AGAP1: variants seen among roughly 807,000 people sequenced by gnomAD.
The protein encoded by AGAP1 is ArfGAP with GTPase domain, ankyrin repeat and PH domain 1, also known as arf-GAP with GTPase, ANK repeat and PH domain-containing protein 1.
In AGAP1, 29 loss-of-function variants were observed where a neutral mutation model predicts 105.3. The ratio of observed to expected loss-of-function variants is 0.28; its 90% CI spans 0.21 to 0.38. The LOEUF (loss-of-function observed/expected upper bound fraction) is 0.38, where lower values mean the gene tolerates loss of function less well. AGAP1 is among the 10% of genes least tolerant of loss of function. AGAP1 has a pLI of 1.00. For synonymous variants in AGAP1, 509 were observed against 485.9 expected, an observed-to-expected ratio of 1.05 and a Z score of -0.63; for missense variants, 998 against 1,165.1, an observed-to-expected ratio of 0.86 and a Z score of 2.09.
At chr2:235,986,515 G>T (rs951007232) in intron 13 of AGAP1, among the ~76,000 whole-genome samples, 1 of 152,100 alleles carries the variant, frequency 6.6e-6, no homozygotes, top group African/African-American at 2.4e-5. Context: ...TATGTTGAAT[G>T]GGAGTGGTGA....
intron 11 of AGAP1, among the ~76,000 whole-genome samples, chr2:235,928,646 C>T (rs764509962): frequency 2.0e-5 from 3 of 152,146 alleles, no homozygotes; most frequent in Admixed American, 6.5e-5. Flanking sequence ...ATGGTGGGCA[C>T]GGGCTCCAGG....
At position 235,609,930 on chromosome 2, in the gene AGAP1, G is replaced by A. The variant is rs1262747280; in HGVS notation, c.164-99249G>A. 2.0e-5 allele frequency among the ~76,000 whole-genome samples: 3 copies of A among 152,134 alleles called. No individual in the cohort carries two copies. The highest frequency in any genetic ancestry group is 7.2e-5 in the African/African-American group (3 of 41,430). On this transcript the variant is annotated intron_variant, in intron 1 of 17. Transcript: ENST00000304032. This position sits in a 1 kb window ranked among gnomAD's most constrained non-coding sequence, Gnocchi z 5.1. ...AGTCACTGGGCTGGGTGCAGGGAGTGAGTGGCCAACCACCTGAGAATACCT... is the reference window on the plus strand; with the variant it reads ...AGTCACTGGGCTGGGTGCAGGGAGTAAGTGGCCAACCACCTGAGAATACCT...
intron 12 of AGAP1, among the ~76,000 whole-genome samples, chr2:235,956,297 C>T (rs558116920): frequency 1.1e-3 from 171 of 152,320 alleles, no homozygotes; most frequent in Non-Finnish European, 2.2e-3. Context: ...AAACTTTGTG[C>T]TGCTTGCATT....
chr2:235,652,529 ACAT>A (rs1947630711), intron 1 of AGAP1, among the ~76,000 whole-genome samples: 1 of 152,186 alleles, frequency 6.6e-6, no homozygotes, highest in Non-Finnish European at 1.5e-5. Context: ...AGGAGACACC[ACAT>A]CATCATTTCA....
intron 9 of AGAP1, among the ~76,000 whole-genome samples, chr2:235,844,172 G>A (rs1196046964): frequency 6.6e-6 from 1 of 152,228 alleles, no homozygotes; most frequent in Non-Finnish European, 1.5e-5. Flanking sequence ...TCCCCTGCCG[G>A]TCTGGAGCTC....
intron 1 of AGAP1, among the ~76,000 whole-genome samples, chr2:235,537,448 G>T (rs927708686): frequency 1.3e-5 from 2 of 152,184 alleles, no homozygotes; most frequent in Admixed American, 1.3e-4. Context: ...CATGGAGGCT[G>T]GGGAGTCATG....
rs1346008352 is a variant in AGAP1, at chr2:235,968,601, C to A, written c.1623C>A (p.Asp541Glu). 3.1e-6 allele frequency: 5 copies of A among 1,605,162 alleles called. No individual in the cohort carries two copies. Among genetic ancestry groups the A allele is most frequent in the Non-Finnish European group, 2.6e-6 (3 of 1,176,058 alleles). The part of the protein sequence containing the change: ...RKKSTSNFKA[D>E]GLSGTAEEQE... ...AAAGCACTAGCAACTTCAAAGCCGA[C>A]GGCCTGTCCGGCACTGCTGAAGGTA... Residue 541 changes from aspartate (D) to glutamate (E), a missense_variant, in exon 13 of 18, where the codon GAC becomes GAA. By Grantham distance (45) the Asp-to-Glu change is conservative. Transcript: ENST00000304032.
chr2:236,066,379 C>T (rs1250904752), intron 16 of AGAP1, among the ~76,000 whole-genome samples: 1 of 152,182 alleles, frequency 6.6e-6, no homozygotes, highest in Non-Finnish European at 1.5e-5. Context: ...ACACCTGCCA[C>T]CACGCCCAGT....
intron 1 of AGAP1, among the ~76,000 whole-genome samples, chr2:235,508,065 A>G (rs1423502374): frequency 6.6e-6 from 1 of 152,132 alleles, no homozygotes; most frequent in Non-Finnish European, 1.5e-5. Flanking sequence ...TGGTTCGCTT[A>G]TGATATTGGC....
Position 235,777,685 on chromosome 2 carries a change from C to T in AGAP1, c.674-20074C>T, listed in dbSNP as rs184880268. Among the ~76,000 whole-genome samples the T allele has an allele frequency of 1.2e-3, 178 of 152,314 alleles. No individual in the cohort carries two copies. The highest frequency in any genetic ancestry group is 3.5e-3 in the African/African-American group (146 of 41,574). On this transcript the variant is annotated intron_variant, in intron 6 of 17. Coordinates refer to ENST00000304032, the MANE Select transcript of AGAP1 (RefSeq NM_001037131.3). This position sits in a 1 kb window ranked among gnomAD's most constrained non-coding sequence, Gnocchi z 5.1. ...GAGCACGTTCAAGCCTCCTGCCCAGCACCTTCCTAGAGCACCGCCATTGGC... is the reference window on the plus strand; with the variant it reads ...GAGCACGTTCAAGCCTCCTGCCCAGTACCTTCCTAGAGCACCGCCATTGGC...
chr2:235,738,479 C>G (rs1348872474), intron 3 of AGAP1, among the ~76,000 whole-genome samples: 2 of 152,028 alleles, frequency 1.3e-5, no homozygotes, highest in East Asian at 3.9e-4. Flanking sequence ...ACACACAGAA[C>G]AGGGTATGAA....
chr2:235,824,433 G>A lies in AGAP1; in HGVS notation c.1050+17102G>A, dbSNP rs1958960446. Among the ~76,000 whole-genome samples the A allele has an allele frequency of 1.3e-5, 2 of 152,332 alleles. No homozygotes were observed. Among genetic ancestry groups the A allele is most frequent in the Middle Eastern group, 3.4e-3 (1 of 294 alleles). On this transcript the variant is annotated intron_variant, in intron 9 of 17. Transcript: ENST00000304032. The surrounding 1 kb of genome is among the most constrained non-coding windows in gnomAD (Gnocchi z 5.2). ...TATTTCAGAGCACTTGGCTACAGTA[G>A]CATTGAACTGTGAAGAAATAATGTT...
Position 236,036,451 on chromosome 2 carries a change from C to T in AGAP1, c.1646-110C>T, listed in dbSNP as rs530552168. 1.7e-5 allele frequency: 24 copies of T among 1,413,034 alleles called. No homozygotes were observed. The East Asian group carries it at 1.8e-4, about 11-fold the overall frequency. The allele number at this position is 1,413,034 out of a possible 1,614,324, so 87.5% of individuals were successfully genotyped here. On this transcript the variant is annotated intron_variant, in intron 13 of 17. Transcript: ENST00000304032. This position sits in a 1 kb window ranked among gnomAD's most constrained non-coding sequence, Gnocchi z 5.7. ...GGTTGTCCAGTGCCGTGCGCCTCAC[C>T]GGTCCATGCAGGGGCAGCTGAACCC...
chr2:236,015,957 G>A (rs1056430243), intron 13 of AGAP1, among the ~76,000 whole-genome samples: 28 of 152,102 alleles, frequency 1.8e-4, no homozygotes, highest in Non-Finnish European at 3.5e-4. Flanking sequence ...AACCTTTGCC[G>A]ATTTATATCA....
At chr2:236,028,078 C>A (rs1299272941) in intron 13 of AGAP1, among the ~76,000 whole-genome samples, 1 of 152,166 alleles carries the variant, frequency 6.6e-6, no homozygotes, top group Non-Finnish European at 1.5e-5. Context: ...TGCAGTTGGT[C>A]CTTAGGATGT....
At position 235,744,777 on chromosome 2, in the gene AGAP1, A is replaced by G. The variant is rs376740199; in HGVS notation, c.476A>G (p.Tyr159Cys). ...AGTTTCCAGACCGTTTACCACTACTACAGTCGAATGGCCAACTATCGGAAC... is the reference window on the plus strand; with the variant it reads ...AGTTTCCAGACCGTTTACCACTACTGCAGTCGAATGGCCAACTATCGGAAC... ...EISFQTVYHY[Y>C]SRMANYRNTS... The change falls in exon 5 of 18, where the codon TAC (tyrosine) becomes TGC (cysteine). Residue 159 changes from tyrosine to cysteine, a missense_variant. Physicochemically the swap from Tyr to Cys is radical, Grantham distance 194 (BLOSUM62 -2). This residue lies in a region of AGAP1 where 735 missense variants were observed against 833.4 expected (regional missense o/e 0.88). Coordinates refer to ENST00000304032, the MANE Select transcript of AGAP1 (RefSeq NM_001037131.3). The surrounding 1 kb of genome is among the most constrained non-coding windows in gnomAD (Gnocchi z 5.2). The G allele has an allele frequency of 1.4e-5, 22 of 1,613,772 alleles. No homozygotes were observed. Among genetic ancestry groups the G allele is most frequent in the Non-Finnish European group, 1.8e-5 (21 of 1,180,008 alleles).
rs376595407 is a variant in AGAP1 at position 235,654,604 on chromosome 2, AGTGATCTC to A, written c.164-54574_164-54567del. Reference sequence around the variant, plus strand: ...CCTATGTGTCTGTTAGTGGAGATAAAGTGATCTCAAGACGGTGACACATTTAAAGTGAC... The same window carrying A: ...CCTATGTGTCTGTTAGTGGAGATAAAAAGACGGTGACACATTTAAAGTGAC... On this transcript the variant is annotated intron_variant, in intron 1 of 17. Coordinates refer to ENST00000304032, the MANE Select transcript of AGAP1 (RefSeq NM_001037131.3). Among the ~76,000 whole-genome samples the A allele has an allele frequency of 1.1e-3, 173 of 152,328 alleles. 2 individuals are homozygous for A. The highest frequency in any genetic ancestry group is 3.9e-3 in the African/African-American group (161 of 41,580).
intron 13 of AGAP1, among the ~76,000 whole-genome samples, chr2:236,031,596 T>C (rs189472834): frequency 6.2e-4 from 95 of 152,214 alleles, no homozygotes; most frequent in Non-Finnish European, 1.2e-3. Flanking sequence ...AGACGCTGAA[T>C]TCCCACCAGT....
At chr2:235,629,125 T>G (rs928211615) in intron 1 of AGAP1, among the ~76,000 whole-genome samples, 3 of 152,170 alleles carry the variant, frequency 2.0e-5, no homozygotes, top group African/African-American at 7.2e-5. Flanking sequence ...CTTTGTGTCC[T>G]CATACCTTAG....
Sources: allele counts gnomAD v4.1 joint callset (sites outside exome capture counted in the v4.1 genomes callset), GRCh38; gene constraint gnomAD v4.1.1; regional missense constraint gnomAD v4.1.1; non-coding constraint Gnocchi (gnomAD v3.1); transcripts MANE v1.5; gene names NCBI Gene and HGNC (gene_info 2026-07-23, HGNC 2026-07-21).